LMBRD2: variants seen among roughly 807,000 people sequenced by gnomAD.
LMBRD2 encodes G protein-coupled receptor-associated protein LMBRD2.
LMBRD2 carries 55 observed loss-of-function variants against 94.4 expected under a neutral mutation model. That is an observed-to-expected ratio of 0.58 (90% CI 0.47 to 0.73). The LOEUF (loss-of-function observed/expected upper bound fraction) is 0.73, where lower values mean the gene tolerates loss of function less well. Ranked by LOEUF, LMBRD2 falls within the 30% of genes least tolerant of loss-of-function variation. The pLI, the probability that LMBRD2 is intolerant of heterozygous loss-of-function variation, is 0.00. For synonymous variants in LMBRD2, 246 were observed against 272.4 expected (o/e 0.90, Z 0.95); for missense variants, 640 against 831.9 (o/e 0.77, Z 2.84).
At chr5:36,126,649 T>A (rs977851892) in intron 6 of LMBRD2, among the ~76,000 whole-genome samples, 8 of 152,208 alleles carry the variant, frequency 5.3e-5, no homozygotes, top group Admixed American at 5.2e-4. Flanking sequence ...ACCTTTTGAA[T>A]GATTTGACAT....
At chr5:36,116,386 A>G (rs1743744249) in intron 11 of LMBRD2, 74 bp downstream of exon 11, 1 of 1,391,602 alleles carries the variant, frequency 7.2e-7, no homozygotes, top group Non-Finnish European at 1.0e-6. Flanking sequence ...CCTGTAAACA[A>G]CAAAAAATAA....
rs1387997447 is a variant in LMBRD2 at position 36,143,214 on chromosome 5, A to G, written c.136T>C (p.Phe46Leu). Residue 46 changes from phenylalanine (F) to leucine (L), a missense_variant, in exon 2 of 18, where the codon TTT becomes CTT. Coordinates refer to ENST00000296603, the MANE Select transcript of LMBRD2 (RefSeq NM_001007527.2). The stretch of plus-strand genomic sequence containing the variant: ...AGAGGCAGTATGAAGACAATAAGAA[A>G]GCAGAGATACCAAGCAAGCAGTGTT... ...IGTLLAWYLC[F>L]LIVFILPLDV... 6.2e-7 allele frequency: 1 copy of G among 1,612,982 alleles called. No individual in the cohort carries two copies. Among genetic ancestry groups the G allele is most frequent in the Admixed American group, 1.7e-5 (1 of 59,944 alleles).
chr5:36,124,528 C>T (rs1173970268), intron 6 of LMBRD2, among the ~76,000 whole-genome samples: 1 of 152,142 alleles, frequency 6.6e-6, no homozygotes, highest in Admixed American at 6.6e-5. Context: ...AGAATAAGCA[C>T]TATTTAAAAG....
intron 1 of LMBRD2, among the ~76,000 whole-genome samples, chr5:36,150,860 GT>G (rs1561527165): frequency 6.6e-6 from 1 of 152,210 alleles, no homozygotes; most frequent in Non-Finnish European, 1.5e-5. Flanking sequence ...CACAAGGGAG[GT>G]TTAATTTCAC....
Position 36,108,549 on chromosome 5 carries a change from C to A in LMBRD2, c.1882G>T (p.Val628Phe). 6.4e-7 allele frequency: 1 copy of A among 1,571,300 alleles called. No individual in the cohort carries two copies. Among genetic ancestry groups the A allele is most frequent in the Non-Finnish European group, 8.7e-7 (1 of 1,148,378 alleles). Reference protein sequence around the residue: ...TDPKESNFSDVNTNRSAFKYT... With the variant: ...TDPKESNFSDFNTNRSAFKYT... Reference sequence around the variant, plus strand: ...AACTACTTACAACGGTTGGTATTAACATCTGAGAAGTTTGACTCTTTGGGG... The same window carrying A: ...AACTACTTACAACGGTTGGTATTAAAATCTGAGAAGTTTGACTCTTTGGGG... The change falls in exon 16 of 18, where the codon GTT becomes TTT. Residue 628 changes from valine to phenylalanine, a missense_variant. Transcript: ENST00000296603.
intron 6 of LMBRD2, among the ~76,000 whole-genome samples, chr5:36,131,758 C>CTTATT (rs1371751102): frequency 6.6e-6 from 1 of 151,882 alleles, no homozygotes; most frequent in Non-Finnish European, 1.5e-5. Flanking sequence ...AGGAATTAGC[C>CTTATT]AAATAAGTGA....
intron 6 of LMBRD2, among the ~76,000 whole-genome samples, chr5:36,127,961 T>C (rs908728180): frequency 1.3e-5 from 2 of 152,216 alleles, no homozygotes; most frequent in African/African-American, 4.8e-5. Context: ...CACAGTGCCA[T>C]GATAACTTCA....
At chr5:36,114,359 G>A in intron 13 of LMBRD2, 65 bp downstream of exon 13, 2 of 1,488,626 alleles carry the variant, frequency 1.3e-6, no homozygotes, top group Non-Finnish European at 1.8e-6. Context: ...ATATTTAAAA[G>A]AGCTTTAAAG....
intron 4 of LMBRD2, among the ~76,000 whole-genome samples, chr5:36,138,266 G>C (rs1028059849): frequency 6.6e-6 from 1 of 152,186 alleles, no homozygotes; most frequent in Admixed American, 6.5e-5. Flanking sequence ...TAAGAAATAA[G>C]TAAACAATGA....
At position 36,104,912 on chromosome 5, in the gene LMBRD2, TAATA is replaced by T. The variant is rs957160191; in HGVS notation, c.2027+152_2027+155del. Among the ~76,000 whole-genome samples the T allele has an allele frequency of 2.6e-5, 4 of 152,100 alleles. 1 individual carries two copies. Among genetic ancestry groups the T allele is most frequent in the Admixed American group, 2.6e-4 (4 of 15,256 alleles). On this transcript the variant is annotated intron_variant, in intron 17 of 17. Coordinates refer to ENST00000296603, the MANE Select transcript of LMBRD2 (RefSeq NM_001007527.2). The stretch of plus-strand genomic sequence containing the variant: ...GTCTAAAAAGGTATCAAAAGTTACT[TAATA>T]TATTTTTTATTGTTAGTGAAAATGA...
At position 36,129,303 on chromosome 5, in the gene LMBRD2, G is replaced by C. The variant is rs143833236; in HGVS notation, c.748-5038C>G. ...TTTATCTCAAATAAGACTATCTCAA[G>C]ACATTTAATAATCAAACTCCCTGAG... On this transcript the variant is annotated intron_variant, in intron 6 of 17. Coordinates refer to ENST00000296603, the MANE Select transcript of LMBRD2 (RefSeq NM_001007527.2). Among the ~76,000 whole-genome samples, 221 of 152,140 alleles carry C rather than the reference G, an allele frequency of 1.5e-3. 1 individual carries two copies. The highest frequency in any genetic ancestry group is 5.0e-3 in the African/African-American group (206 of 41,520).
At chr5:36,120,534 C>T (rs566212149) in intron 9 of LMBRD2, among the ~76,000 whole-genome samples, 2 of 152,316 alleles carry the variant, frequency 1.3e-5, no homozygotes, top group African/African-American at 4.8e-5. Context: ...GCTGGGATTA[C>T]AGGTGTGAGC....
intron 13 of LMBRD2, among the ~76,000 whole-genome samples, chr5:36,113,102 C>T (rs1743651586): frequency 6.6e-6 from 1 of 152,126 alleles, no homozygotes. Flanking sequence ...AACTAAAAGG[C>T]AGAAATGGAA....
chr5:36,117,655 A>G (rs1743789337), intron 10 of LMBRD2, 80 bp downstream of exon 10: 1 of 1,017,144 alleles, frequency 9.8e-7, no homozygotes, highest in Non-Finnish European at 1.4e-6. Flanking sequence ...CATTTTTACT[A>G]GAAGAAATAC....
intron 5 of LMBRD2, 133 bp downstream of exon 5, chr5:36,137,141 G>C (rs1429551304): frequency 7.3e-6 from 4 of 549,046 alleles, no homozygotes. Flanking sequence ...TATTCTTTTG[G>C]GGAAATCCAT....
intron 1 of LMBRD2, among the ~76,000 whole-genome samples, chr5:36,149,990 C>T (rs1744650271): frequency 6.6e-6 from 1 of 152,152 alleles, no homozygotes; most frequent in Non-Finnish European, 1.5e-5. Flanking sequence ...CAGATAGCAA[C>T]CTCTATGTAC....
At position 36,100,344 on chromosome 5, in the gene LMBRD2, G is replaced by A. The variant is rs914020208; in HGVS notation, c.*3702C>T. On this transcript the variant is annotated 3_prime_UTR_variant, in exon 18 of 18. Transcript: ENST00000296603. ...GCATACTTTACATTTGTATTCAGAT[G>A]TTGCTTAGTTGTCTAGCAAAATCTG... 6.6e-6 allele frequency: 1 copy of A among 152,068 alleles called. No homozygotes were observed. The highest frequency in any genetic ancestry group is 2.4e-5 in the African/African-American group (1 of 41,432). The allele number at this position is 152,068 out of a possible 1,614,324, so 9.4% of individuals were successfully genotyped here. A position where few individuals can be genotyped will look rare whatever the true frequency, so the allele number is the denominator to read the frequency against.
chr5:36,104,863 T>G (rs1337043308), intron 17 of LMBRD2, among the ~76,000 whole-genome samples: 3 of 152,064 alleles, frequency 2.0e-5, no homozygotes, highest in Admixed American at 6.6e-5. Flanking sequence ...TTACCATTAC[T>G]GGATGATATA....
At chr5:36,150,894 A>G (rs780879843) in intron 1 of LMBRD2, among the ~76,000 whole-genome samples, 1 of 152,216 alleles carries the variant, frequency 6.6e-6, no homozygotes, top group Non-Finnish European at 1.5e-5. Context: ...CATTTTTTCA[A>G]GGAAACCAGA....
Sources: gnomAD v4.1 joint callset for allele counts (sites outside exome capture counted in the v4.1 genomes callset) on GRCh38, gnomAD v4.1.1 for gene constraint, MANE v1.5 for transcripts, NCBI Gene and HGNC (gene_info 2026-07-23, HGNC 2026-07-21) for gene names.